Variants in SHISA9 observed in about 807,000 individuals in gnomAD.
SHISA9 encodes protein shisa-9.
In SHISA9, 13 loss-of-function variants were observed where a neutral mutation model predicts 38.0. The observed-to-expected ratio is 0.34, with a 90% confidence interval of 0.22 to 0.54. The LOEUF is 0.54. Among genes scored for constraint, SHISA9 ranks in the 20% least tolerant of loss-of-function variants. SHISA9 has a pLI of 0.91. For missense variants in SHISA9, 538 were observed against 575.8 expected (o/e 0.93, Z 0.67); for synonymous variants, 275 against 242.0 (o/e 1.14, Z -1.27).
intron 2 of SHISA9, among the ~76,000 whole-genome samples, chr16:13,080,137 G>C (rs251916): frequency 0.2 from 31,105 of 152,070 alleles, 3,620 homozygotes; most frequent in Non-Finnish European, 0.26. Flanking sequence ...ACTTTGGGAG[G>C]CCGAGGCAGG....
chr16:12,970,342 T>TATATAC (rs1567356770), intron 2 of SHISA9, among the ~76,000 whole-genome samples: 3 of 77,184 alleles, frequency 3.9e-5, no homozygotes, highest in Non-Finnish European at 7.0e-5. Flanking sequence ...TATATATATA[T>TATATAC]ACATATATGT....
the SHISA9 span, among the ~76,000 whole-genome samples, chr16:13,356,400 T>C: frequency 6.6e-6 from 1 of 152,116 alleles, no homozygotes; most frequent in African/African-American, 2.4e-5. Flanking sequence ...GCCTAAACGC[T>C]TCTGATTTGG....
At chr16:13,537,138 A>T in the SHISA9 span, among the ~76,000 whole-genome samples, 1 of 152,108 alleles carries the variant, frequency 6.6e-6, no homozygotes, top group African/African-American at 2.4e-5. Context: ...TAGAAAAAAA[A>T]ATTTAAGGGC....
intron 3 of SHISA9, among the ~76,000 whole-genome samples, chr16:13,212,990 A>T (rs908557915): frequency 2.0e-5 from 3 of 152,208 alleles, no homozygotes; most frequent in African/African-American, 7.2e-5. Flanking sequence ...CGTAACTGAA[A>T]ATATCTCGGC....
At chr16:13,186,711 G>A (rs2045982715) in intron 2 of SHISA9, among the ~76,000 whole-genome samples, 1 of 152,102 alleles carries the variant, frequency 6.6e-6, no homozygotes, top group Admixed American at 6.5e-5. Flanking sequence ...CTGCATTGCT[G>A]AATAATAAAT....
rs139707237 is a variant in SHISA9 at position 13,042,556 on chromosome 16, T to C, written c.691+125741T>C. 3.3e-5 allele frequency among the ~76,000 whole-genome samples: 5 copies of C among 152,240 alleles called. No homozygotes were observed. The East Asian group carries it at 9.6e-4, about 29-fold the overall frequency. On this transcript the variant is annotated intron_variant, in intron 2 of 4. Coordinates refer to ENST00000558583, the MANE Select transcript of SHISA9 (RefSeq NM_001145204.3). ...AACAGTTGGTTTCCTCTGAATTGAG[T>C]GTCTAATTTTTTAATAGAAGTGATC...
At chr16:13,051,701 C>T (rs2073253082) in intron 2 of SHISA9, among the ~76,000 whole-genome samples, 1 of 152,252 alleles carries the variant, frequency 6.6e-6, no homozygotes, top group Non-Finnish European at 1.5e-5. Context: ...TTCAAGACTA[C>T]CTTGAATCAG....
intron 2 of SHISA9, among the ~76,000 whole-genome samples, chr16:13,024,669 A>G (rs1441512445): frequency 6.6e-6 from 1 of 152,190 alleles, no homozygotes; most frequent in Non-Finnish European, 1.5e-5. Context: ...GCTGTATGAC[A>G]AGTGAGCTAT....
At chr16:13,306,817 T>C in the SHISA9 span, among the ~76,000 whole-genome samples, 35 of 152,292 alleles carry the variant, frequency 2.3e-4, no homozygotes, top group African/African-American at 8.2e-4. Context: ...TCCCTTAGAA[T>C]TGAGTGACAT....
chr16:13,134,693 G>A (rs148291917), intron 2 of SHISA9, among the ~76,000 whole-genome samples: 7 of 152,222 alleles, frequency 4.6e-5, no homozygotes, highest in East Asian at 3.9e-4. Flanking sequence ...TTTATGCCTC[G>A]TAGTTGATGA....
intron 1 of SHISA9, chr16:12,909,718 C>A: frequency 5.4e-6 from 2 of 372,682 alleles, no homozygotes; most frequent in African/African-American, 2.2e-5. Context: ...ACACTCCAGC[C>A]CATCACCCAG....
At chr16:13,080,447 A>C (rs1226168482) in intron 2 of SHISA9, among the ~76,000 whole-genome samples, 2 of 152,218 alleles carry the variant, frequency 1.3e-5, no homozygotes, top group Admixed American at 1.3e-4. Flanking sequence ...AGTTTCATTT[A>C]AGATGTAAAG....
chr16:13,524,732 A>G, the SHISA9 span, among the ~76,000 whole-genome samples: 1 of 142,542 alleles, frequency 7.0e-6, no homozygotes. Flanking sequence ...CTAATTTTTT[A>G]ATTTTTTTTT....
At chr16:13,146,842 C>T (rs1466265858) in intron 2 of SHISA9, among the ~76,000 whole-genome samples, 1 of 152,170 alleles carries the variant, frequency 6.6e-6, no homozygotes, top group Non-Finnish European at 1.5e-5. Context: ...CTTCTTCCCT[C>T]CAGTTTCAGA....
intron 2 of SHISA9, among the ~76,000 whole-genome samples, chr16:13,023,063 A>T (rs917113928): frequency 6.6e-6 from 1 of 152,088 alleles, no homozygotes; most frequent in South Asian, 2.1e-4. Context: ...GTACATGTGC[A>T]CAATGTGCAG....
chr16:13,125,760 C>G (rs1164508938), intron 2 of SHISA9, among the ~76,000 whole-genome samples: 11 of 152,240 alleles, frequency 7.2e-5, no homozygotes, highest in Admixed American at 7.2e-4. Flanking sequence ...ACTACCTTGA[C>G]ATTAAATGCT....
At chr16:13,258,428 T>C in the SHISA9 span, 1 of 152,212 alleles carries the variant, frequency 6.6e-6, no homozygotes, top group Non-Finnish European at 1.5e-5. Flanking sequence ...GGATATGGCA[T>C]ATAACAGGTG....
rs1271909830 is a variant in SHISA9, at chr16:13,093,603, C to T, written c.692-109791C>T. ...AAATCAGCAAAATCCCAGAGAAAGC[C>T]AGGTCTCTGGGAAAAGTCTCGTTTC... On this transcript the variant is annotated intron_variant, in intron 2 of 4. Transcript: ENST00000558583. Among the ~76,000 whole-genome samples, 4 of 152,042 alleles carry T rather than the reference C, an allele frequency of 2.6e-5. No homozygotes were observed. In the East Asian group the frequency reaches 7.7e-4, roughly 29 times the overall value.
Position 13,002,590 on chromosome 16 carries a change from T to G in SHISA9, c.691+85775T>G, listed in dbSNP as rs1410558944. On this transcript the variant is annotated intron_variant, in intron 2 of 4. Coordinates refer to ENST00000558583, the MANE Select transcript of SHISA9 (RefSeq NM_001145204.3). ...CTCTGTTGCCCAGGCTTCAGTGCAG[T>G]GGTGTGATCTCGGATCACTGCAACC... Among the ~76,000 whole-genome samples, 3 of 149,048 alleles carry G rather than the reference T, an allele frequency of 2.0e-5. No homozygotes were observed. In the East Asian group the frequency reaches 5.9e-4, roughly 29 times the overall value.
Sources: gnomAD v4.1 joint callset for allele counts (sites outside exome capture counted in the v4.1 genomes callset) on GRCh38, gnomAD v4.1.1 for gene constraint, MANE v1.5 for transcripts, NCBI Gene and HGNC (gene_info 2026-07-23, HGNC 2026-07-21) for gene names.